The following C4orf50 variants were observed in gnomAD, a reference collection of about 807,000 sequenced individuals.
The protein encoded by C4orf50 is chromosome 4 open reading frame 50, also known as uncharacterized protein C4orf50.
In C4orf50, 80 loss-of-function variants were observed where a neutral mutation model predicts 77.2. That is an observed-to-expected ratio of 1.04 (90% CI 0.87 to 1.25). C4orf50 has a LOEUF of 1.25. C4orf50 is among the 50% of genes most tolerant of loss of function. C4orf50 has a pLI of 0.00. For synonymous variants in C4orf50, 532 were observed against 465.3 expected, an observed-to-expected ratio of 1.14 and a Z score of -1.84; for missense variants, 1,257 against 1,152.9, an observed-to-expected ratio of 1.09 and a Z score of -1.31.
Position 6,015,478 on chromosome 4 carries a change from C to T in C4orf50, c.287+2667G>A, listed in dbSNP as rs1348301051. 1.3e-5 allele frequency among the ~76,000 whole-genome samples: 2 copies of T among 150,910 alleles called. No individual in the cohort carries two copies. Among genetic ancestry groups the T allele is most frequent in the African/African-American group, 4.9e-5 (2 of 40,956 alleles). On this transcript the variant is annotated intron_variant, in intron 23 of 33. Coordinates refer to ENST00000531445, the Ensembl canonical transcript of C4orf50. This position sits in a 1 kb window ranked among gnomAD's most constrained non-coding sequence, Gnocchi z 4.4. Reference sequence around the variant, plus strand: ...GAAAATAAGTTTTTGTTAAGTCACCCAGGTCTGCAAATAATGCCATTTCAT... The same window carrying T: ...GAAAATAAGTTTTTGTTAAGTCACCTAGGTCTGCAAATAATGCCATTTCAT...
Position 6,011,697 on chromosome 4 carries a change from G to T in C4orf50, c.426+133C>A. ...GTCACGCCATGCACCATGAACGTAGGATCTCTCTAACCCTCCTGACTGGGC... is the reference window on the plus strand; with the variant it reads ...GTCACGCCATGCACCATGAACGTAGTATCTCTCTAACCCTCCTGACTGGGC... On this transcript the variant is annotated intron_variant, in intron 24 of 33. Transcript: ENST00000531445. The surrounding 1 kb of genome is among the most constrained non-coding windows in gnomAD (Gnocchi z 4.2). 2.5e-6 allele frequency: 1 copy of T among 397,580 alleles called. No individual in the cohort carries two copies. The highest frequency in any genetic ancestry group is 4.4e-6 in the Non-Finnish European group (1 of 225,926). The allele number at this position is 397,580 out of a possible 1,614,324, so 24.6% of individuals were successfully genotyped here. A position where few individuals can be genotyped will look rare whatever the true frequency, so the allele number is the denominator to read the frequency against.
intron 25 of C4orf50, among the ~76,000 whole-genome samples, chr4:5,999,902 C>T (rs1721755496): frequency 1.3e-5 from 2 of 152,186 alleles, no homozygotes; most frequent in Admixed American, 6.5e-5. Flanking sequence ...ACAGGCAAGG[C>T]TTACAAGGCA....
chr4:5,939,042 G>A (rs1276006680), intron 7 of C4orf50, among the ~76,000 whole-genome samples: 4 of 152,142 alleles, frequency 2.6e-5, no homozygotes, highest in African/African-American at 9.7e-5. Context: ...AGGAGTTCAA[G>A]ACCAGCCTGG....
In C4orf50 at chr4:5,970,168, C is replaced by A. The variant is rs576881735; in HGVS notation, c.4105-2706G>T. On this transcript the variant is annotated intron_variant, in intron 31 of 33. Coordinates refer to ENST00000531445, the Ensembl canonical transcript of C4orf50. The surrounding 1 kb of genome is among the most constrained non-coding windows in gnomAD (Gnocchi z 4.3). ...CACAGGAAAAAAAAAAAAAGGCCCACTGGGGCTAGGGGTCGGGGGGCATAG... is the reference window on the plus strand; with the variant it reads ...CACAGGAAAAAAAAAAAAAGGCCCAATGGGGCTAGGGGTCGGGGGGCATAG... Among the ~76,000 whole-genome samples the A allele has an allele frequency of 1.3e-5, 2 of 150,812 alleles. No individual in the cohort carries two copies. Among genetic ancestry groups the A allele is most frequent in the East Asian group, 3.9e-4 (2 of 5,142 alleles).
chr4:6,001,073 C>T (rs1024410033), intron 25 of C4orf50, among the ~76,000 whole-genome samples: 1 of 152,186 alleles, frequency 6.6e-6, no homozygotes, highest in East Asian at 1.9e-4. Flanking sequence ...TCTTGCTAGT[C>T]GAAATTCTCC....
At chr4:6,005,479 G>T (rs1722212040) in intron 25 of C4orf50, among the ~76,000 whole-genome samples, 1 of 152,202 alleles carries the variant, frequency 6.6e-6, no homozygotes. Context: ...TACAGCCACT[G>T]CTGCTGCCCT....
At chr4:5,938,589 T>A (rs1192765546) in intron 7 of C4orf50, among the ~76,000 whole-genome samples, 1 of 152,152 alleles carries the variant, frequency 6.6e-6, no homozygotes, top group Non-Finnish European at 1.5e-5. Flanking sequence ...CAGGCCATTT[T>A]TTTTTCTCCC....
chr4:5,928,653 A>C (rs1417721682), intron 7 of C4orf50, among the ~76,000 whole-genome samples: 1 of 152,228 alleles, frequency 6.6e-6, no homozygotes, highest in Admixed American at 6.5e-5. Context: ...CCCTGGGGCC[A>C]GAAGGCATTC....
chr4:5,991,685 A>G (rs116715674), intron 27 of C4orf50, among the ~76,000 whole-genome samples: 1 of 152,096 alleles, frequency 6.6e-6, no homozygotes, highest in Non-Finnish European at 1.5e-5. Context: ...TGGAGCCCCT[A>G]GAATAGCTGG....
intron 28 of C4orf50, among the ~76,000 whole-genome samples, chr4:5,984,930 G>A (rs1183784320): frequency 6.6e-6 from 1 of 151,466 alleles, no homozygotes; most frequent in Non-Finnish European, 1.5e-5. Context: ...TTATAGTGAA[G>A]CTGCCAAAAC....
rs530125459 is a variant in C4orf50, at chr4:5,911,244, T to G, written c.*2475-13056A>C. ...CTGTGCCTTTCGAACTTGTGGGGTT[T>G]TCTGGCCCTTCTCAAAACCAGAACC... On this transcript the variant is annotated intron_variant, in intron 7 of 7. Coordinates refer to the C4orf50 transcript ENST00000324058. Among the ~76,000 whole-genome samples the G allele has an allele frequency of 3.3e-4, 50 of 152,318 alleles. No individual in the cohort carries two copies. In the South Asian group the frequency reaches 1.0e-2, roughly 30 times the overall value.
intron 7 of C4orf50, among the ~76,000 whole-genome samples, chr4:5,922,453 G>A (rs1288076691): frequency 1.3e-5 from 2 of 152,140 alleles, no homozygotes; most frequent in African/African-American, 2.4e-5. Context: ...CTTACTTATC[G>A]AACACCTTCT....
intron 7 of C4orf50, among the ~76,000 whole-genome samples, chr4:5,923,744 G>A (rs1717388746): frequency 6.6e-6 from 1 of 152,176 alleles, no homozygotes; most frequent in Non-Finnish European, 1.5e-5. Flanking sequence ...GAGTTGTCAT[G>A]GTTAATACTG....
chr4:6,004,353 GGTGAT>G (rs1722123690), intron 25 of C4orf50, among the ~76,000 whole-genome samples: 1 of 17,790 alleles, frequency 5.6e-5, no homozygotes, highest in Non-Finnish European at 1.7e-4. Context: ...TGATGATGAC[GGTGAT>G]GGTGATGATG....
chr4:5,925,280 G>A (rs537627045), intron 7 of C4orf50, among the ~76,000 whole-genome samples: 9 of 152,240 alleles, frequency 5.9e-5, no homozygotes, highest in African/African-American at 2.2e-4. Context: ...GGTGTGGTGG[G>A]GGGTGGGCTC....
chr4:6,004,253 G>GTAA (rs1722090935), intron 25 of C4orf50, among the ~76,000 whole-genome samples: 1 of 42,486 alleles, frequency 2.4e-5, no homozygotes, highest in Non-Finnish European at 4.7e-5. Flanking sequence ...GGTGATGATG[G>GTAA]TGATGGTGAT....
chr4:6,012,597 G>A (rs1395654904), intron 23 of C4orf50, among the ~76,000 whole-genome samples: 1 of 152,182 alleles, frequency 6.6e-6, no homozygotes, highest in African/African-American at 2.4e-5. Context: ...TGGCTTAACT[G>A]TCTATTAGGA....
intron 28 of C4orf50, among the ~76,000 whole-genome samples, chr4:5,981,606 G>T (rs1720592598): frequency 6.6e-6 from 1 of 151,890 alleles, no homozygotes; most frequent in Non-Finnish European, 1.5e-5. Context: ...GTTTCTCCAT[G>T]TTGGTCAGGC....
chr4:6,008,414 C>T lies in C4orf50; in HGVS notation c.545G>A (p.Arg182Gln), dbSNP rs1207066769. The T allele has an allele frequency of 2.5e-6, 1 of 395,062 alleles. No homozygotes were observed. Among genetic ancestry groups the T allele is most frequent in the Non-Finnish European group, 4.5e-6 (1 of 223,880 alleles). 24.5% of individuals were successfully genotyped at this position (395,062 alleles called of 1,614,324 possible). A position where few individuals can be genotyped will look rare whatever the true frequency, so the allele number is the denominator to read the frequency against. The change falls in exon 25 of 34, where the codon CGG becomes CAG. Residue 182 changes from arginine (R) to glutamine (Q), a missense_variant. Transcript: ENST00000531445. The surrounding 1 kb of genome is among the most constrained non-coding windows in gnomAD (Gnocchi z 6.0). ...CAGGCCCAGCTGGCGCCGCTGGGTC[C>T]GCCGGCAGCGCTCCAGGGCCGCCGC... is the stretch of plus-strand genomic sequence containing the variant.
Sources: gnomAD v4.1 joint callset for allele counts (sites outside exome capture counted in the v4.1 genomes callset) on GRCh38, gnomAD v4.1.1 for gene constraint, Gnocchi (gnomAD v3.1) non-coding constraint, MANE v1.5 for transcripts, NCBI Gene and HGNC (gene_info 2026-07-23, HGNC 2026-07-21) for gene names.